CSMD1: variants seen among roughly 807,000 people sequenced by gnomAD.
CSMD1 encodes CUB and sushi domain-containing protein 1.
Under a neutral mutation model 417.5 loss-of-function variants are expected in CSMD1, and 213 were observed. The observed-to-expected ratio is 0.51, with a 90% confidence interval of 0.46 to 0.57. The LOEUF (loss-of-function observed/expected upper bound fraction) is 0.57, where lower values mean the gene tolerates loss of function less well. Among genes scored for constraint, CSMD1 ranks in the 20% least tolerant of loss-of-function variants. The pLI is 0.00. For missense variants in CSMD1, 6,923 were observed against 4,529.7 expected, an observed-to-expected ratio of 1.53 and a Z score of -15.17; for synonymous variants, 2,862 against 1,736.8, an observed-to-expected ratio of 1.65 and a Z score of -16.11.
At chr8:4,184,951 A>T (rs564495984) in intron 3 of CSMD1, among the ~76,000 whole-genome samples, 1 of 151,998 alleles carries the variant, frequency 6.6e-6, no homozygotes, top group African/African-American at 2.4e-5. Context: ...CAGCCTCCCC[A>T]ATGTGGTGAA....
chr8:3,313,275 G>A (rs114110965), intron 23 of CSMD1, among the ~76,000 whole-genome samples: 2,680 of 152,190 alleles, frequency 0.018, 77 homozygotes, highest in African/African-American at 0.06. Context: ...AAATGGGATC[G>A]GATTAAACTA....
At chr8:4,927,148 C>G (rs905570886) in intron 1 of CSMD1, among the ~76,000 whole-genome samples, 1 of 150,696 alleles carries the variant, frequency 6.6e-6, no homozygotes, top group African/African-American at 2.4e-5. Flanking sequence ...CTCTGTTGCA[C>G]CAGGCTGGAG....
At chr8:3,266,072 A>C (rs1487221168) in intron 26 of CSMD1, among the ~76,000 whole-genome samples, 1 of 151,826 alleles carries the variant, frequency 6.6e-6, no homozygotes, top group African/African-American at 2.4e-5. Context: ...TTACCTTATG[A>C]ATCCATGTCC....
intron 1 of CSMD1, among the ~76,000 whole-genome samples, chr8:4,919,440 G>A (rs1045331915): frequency 6.6e-6 from 1 of 152,006 alleles, no homozygotes; most frequent in African/African-American, 2.4e-5. Context: ...CAAAAATTAA[G>A]GGGGATTTAA....
chr8:3,763,550 G>A (rs1197017286), intron 5 of CSMD1, among the ~76,000 whole-genome samples: 2 of 152,070 alleles, frequency 1.3e-5, no homozygotes, highest in African/African-American at 4.8e-5. Context: ...GCCCTTACCA[G>A]AAGCCAAGCA....
intron 4 of CSMD1, among the ~76,000 whole-genome samples, chr8:4,030,771 G>C (rs184415097): frequency 2.0e-4 from 30 of 152,262 alleles, no homozygotes; most frequent in African/African-American, 7.0e-4. Context: ...CAAAGTTCAT[G>C]AACTTTTATG....
intron 3 of CSMD1, among the ~76,000 whole-genome samples, chr8:4,295,049 T>C (rs1307697393): frequency 2.6e-5 from 3 of 114,024 alleles, no homozygotes; most frequent in South Asian, 2.8e-4. Context: ...GTATATATTA[T>C]ACACATATAA....
At position 3,831,934 on chromosome 8, in the gene CSMD1, A is replaced by C. The variant is rs577040530; in HGVS notation, c.819-77892T>G. ...ACTTTTAAAATACCCCCCAGAGATT[A>C]GTCCTGGAAAGTTTGCAGAGTGTAT... On this transcript the variant is annotated intron_variant, in intron 5 of 69. Coordinates refer to ENST00000635120, the MANE Select transcript of CSMD1 (RefSeq NM_033225.6). Among the ~76,000 whole-genome samples the C allele has an allele frequency of 1.6e-4, 24 of 152,300 alleles. 1 individual carries two copies. The South Asian group carries it at 5.0e-3, about 32-fold the overall frequency.
chr8:4,204,852 G>C (rs1337716108), intron 3 of CSMD1, among the ~76,000 whole-genome samples: 1 of 151,786 alleles, frequency 6.6e-6, no homozygotes, highest in Non-Finnish European at 1.5e-5. Flanking sequence ...ACAAAGACAG[G>C]GTATCACTAT....
intron 7 of CSMD1, among the ~76,000 whole-genome samples, chr8:3,633,006 T>A (rs1272244890): frequency 6.6e-6 from 1 of 152,240 alleles, no homozygotes; most frequent in Non-Finnish European, 1.5e-5. Flanking sequence ...GAGAGATATG[T>A]TTCCTCAGTG....
At chr8:4,443,907 A>T (rs1798627259) in intron 2 of CSMD1, among the ~76,000 whole-genome samples, 1 of 152,196 alleles carries the variant, frequency 6.6e-6, no homozygotes. Flanking sequence ...CATCTACAGG[A>T]GTCCTCATAA....
chr8:3,142,052 CT>C (rs1818532501), intron 41 of CSMD1, among the ~76,000 whole-genome samples: 1 of 152,144 alleles, frequency 6.6e-6, no homozygotes, highest in South Asian at 2.1e-4. Flanking sequence ...CCGCCTCGGC[CT>C]TCCAAAGTGC....
chr8:3,951,180 G>T (rs1711753780), intron 5 of CSMD1, among the ~76,000 whole-genome samples: 1 of 152,150 alleles, frequency 6.6e-6, no homozygotes, highest in Non-Finnish European at 1.5e-5. Flanking sequence ...GCAAATTCCT[G>T]CCATGTGAGA....
chr8:3,409,387 G>T (rs10094820), intron 13 of CSMD1, 36 bp downstream of exon 13: 113,081 of 1,561,402 alleles, frequency 0.072, 4,316 homozygotes, highest in African/African-American at 0.084. Context: ...ATCCTTGCAG[G>T]ACAGGAGGGA....
chr8:3,911,456 A>G (rs1808461822), intron 5 of CSMD1, among the ~76,000 whole-genome samples: 1 of 151,038 alleles, frequency 6.6e-6, no homozygotes, highest in Admixed American at 6.6e-5. Flanking sequence ...TGAACCCGCG[A>G]GGCGGAGCCT....
intron 2 of CSMD1, among the ~76,000 whole-genome samples, chr8:4,476,219 A>C (rs551262268): frequency 6.6e-6 from 1 of 152,242 alleles, no homozygotes; most frequent in Non-Finnish European, 1.5e-5. Context: ...AGAAAATAAA[A>C]CTTTTTTAAA....
chr8:3,579,665 G>A (rs7817459), intron 9 of CSMD1, among the ~76,000 whole-genome samples: 2,640 of 152,246 alleles, frequency 0.017, 78 homozygotes, highest in African/African-American at 0.059. Flanking sequence ...TCCAGGCCTG[G>A]CTTAGGTAGT....
At chr8:3,760,052 C>A (rs1328402448) in intron 5 of CSMD1, among the ~76,000 whole-genome samples, 1 of 152,044 alleles carries the variant, frequency 6.6e-6, no homozygotes, top group Non-Finnish European at 1.5e-5. Context: ...TCAAACGGAG[C>A]TTGCCAGGTC....
At chr8:3,933,441 C>G (rs1468197338) in intron 5 of CSMD1, among the ~76,000 whole-genome samples, 2 of 152,082 alleles carry the variant, frequency 1.3e-5, no homozygotes, top group Admixed American at 1.3e-4. Context: ...ATAGACTAAG[C>G]ATTTCCCGCC....
Sources: allele counts gnomAD v4.1 joint callset (sites outside exome capture counted in the v4.1 genomes callset), GRCh38; gene constraint gnomAD v4.1.1; transcripts MANE v1.5; gene names NCBI Gene and HGNC (gene_info 2026-07-23, HGNC 2026-07-21).